Variants in CACNA1D observed in about 807,000 individuals in gnomAD.
CACNA1D encodes the protein voltage-dependent L-type calcium channel subunit alpha-1D.
A neutral mutation model predicts 257.1 loss-of-function variants in CACNA1D; 55 were observed. The ratio of observed to expected loss-of-function variants is 0.21; its 90% CI spans 0.17 to 0.27. The LOEUF (loss-of-function observed/expected upper bound fraction) is 0.27. CACNA1D is among the 10% of genes least tolerant of loss of function. The pLI, the probability that CACNA1D is intolerant of heterozygous loss-of-function variation, is 1.00. For synonymous variants in CACNA1D, 980 were observed against 1,014.9 expected, an observed-to-expected ratio of 0.97 and a Z score of 0.65; for missense variants, 1,876 against 2,784.0, an observed-to-expected ratio of 0.67 and a Z score of 7.34.
intron 26 of CACNA1D, among the ~76,000 whole-genome samples, chr3:53,748,229 T>C (rs1255694415): frequency 2.0e-5 from 3 of 152,134 alleles, no homozygotes; most frequent in Non-Finnish European, 4.4e-5. Flanking sequence ...CTTCTGGAGC[T>C]CCCACCCCCA....
Position 53,800,752 on chromosome 3 carries a change from T to G in CACNA1D, c.5041-306T>G. ...CCCAGCCCAGAGAGCATGCCCAACC[T>G]TGGGGCCACCAGCCAGCCCAGCTGG... is the stretch of plus-strand genomic sequence containing the variant. On this transcript the variant is annotated intron_variant, in intron 41 of 47. Transcript: ENST00000350061. The surrounding 1 kb of genome is among the most constrained non-coding windows in gnomAD (Gnocchi z 4.3). 1 of 515,784 alleles carries G rather than the reference T, an allele frequency of 1.9e-6. No homozygotes were observed. The allele number at this position is 515,784 out of a possible 1,614,324, so 32.0% of individuals were successfully genotyped here.
chr3:53,586,876 AC>A (rs2093226440), intron 3 of CACNA1D, among the ~76,000 whole-genome samples: 1 of 152,194 alleles, frequency 6.6e-6, no homozygotes, highest in African/African-American at 2.4e-5. Context: ...TACATCAAAT[AC>A]AAGGACAAAT....
chr3:53,743,247 C>A, intron 22 of CACNA1D, 130 bp downstream of exon 22: 1 of 674,642 alleles, frequency 1.5e-6, no homozygotes, highest in South Asian at 1.8e-5. Context: ...ATTTAATTTG[C>A]TCCCATTCCA....
At chr3:53,660,409 C>T (rs2094192071) in intron 5 of CACNA1D, 134 bp downstream of exon 5, 1 of 780,140 alleles carries the variant, frequency 1.3e-6, no homozygotes, top group South Asian at 1.4e-5. Flanking sequence ...GCCTCCTTCA[C>T]AGTTGACAGG....
intron 3 of CACNA1D, among the ~76,000 whole-genome samples, chr3:53,590,862 C>T (rs752668282): frequency 5.8e-4 from 88 of 152,326 alleles, no homozygotes; most frequent in Non-Finnish European, 1.1e-3. Context: ...CATCCGGAAA[C>T]ATCTGCTGCT....
At position 53,776,666 on chromosome 3, in the gene CACNA1D, A is replaced by G. The variant is rs2109038769; in HGVS notation, c.4426A>G (p.Ile1476Val). 6.2e-7 allele frequency: 1 copy of G among 1,614,184 alleles called. No individual in the cohort carries two copies. Among genetic ancestry groups the G allele is most frequent in the Non-Finnish European group, 8.5e-7 (1 of 1,180,014 alleles). Residue 1476 changes from isoleucine to valine, a missense_variant, in exon 36 of 48, where the codon ATT becomes GTT. Ile to Val is a conservative substitution (Grantham distance 29). This residue lies in a region of CACNA1D where 83 missense variants were observed against 210.7 expected (regional missense o/e 0.39). Transcript: ENST00000350061. ...CGACTATCTGACCCGGGACTGGTCT[A>G]TTTTGGGGCCTCACCATTTAGATGA... ...NFDYLTRDWS[I>V]LGPHHLDEFK... is the part of the protein sequence containing the mutation.
chr3:53,503,793 C>T (rs1321268422), intron 3 of CACNA1D, among the ~76,000 whole-genome samples: 2 of 149,310 alleles, frequency 1.3e-5, no homozygotes, highest in Non-Finnish European at 3.0e-5. Flanking sequence ...GGGGATTTGG[C>T]AGTGTGTTAA....
intron 3 of CACNA1D, among the ~76,000 whole-genome samples, chr3:53,576,070 G>A (rs775134153): frequency 2.0e-5 from 3 of 152,134 alleles, no homozygotes; most frequent in Admixed American, 6.5e-5. Context: ...GCTACAAGAC[G>A]CTGATGGTGT....
intron 3 of CACNA1D, among the ~76,000 whole-genome samples, chr3:53,564,478 G>A (rs904552686): frequency 4.6e-5 from 7 of 152,140 alleles, no homozygotes; most frequent in African/African-American, 1.4e-4. Context: ...ACTTCTTTAT[G>A]TGCTCTGGAT....
chr3:53,608,287 G>C (rs759918882), intron 3 of CACNA1D, among the ~76,000 whole-genome samples: 1 of 151,594 alleles, frequency 6.6e-6, no homozygotes, highest in African/African-American at 2.4e-5. Flanking sequence ...ATTTTCATTT[G>C]TTTATTGCTA....
chr3:53,569,652 A>G (rs1252426857), intron 3 of CACNA1D, among the ~76,000 whole-genome samples: 1 of 152,230 alleles, frequency 6.6e-6, no homozygotes, highest in African/African-American at 2.4e-5. Flanking sequence ...AATCTATTTG[A>G]TAAAATATGA....
chr3:53,714,557 C>T (rs1474369942), intron 9 of CACNA1D, among the ~76,000 whole-genome samples: 1 of 152,118 alleles, frequency 6.6e-6, no homozygotes, highest in Non-Finnish European at 1.5e-5. Flanking sequence ...GGTTATATGC[C>T]AGATTTTGAG....
chr3:53,650,204 G>C (rs964989414), intron 3 of CACNA1D, among the ~76,000 whole-genome samples: 1 of 152,184 alleles, frequency 6.6e-6, no homozygotes, highest in Non-Finnish European at 1.5e-5. Flanking sequence ...CTTATTGTGT[G>C]GATGCAAAAA....
chr3:53,746,617 A>G (rs890442365), intron 25 of CACNA1D, among the ~76,000 whole-genome samples: 1 of 152,192 alleles, frequency 6.6e-6, no homozygotes, highest in Admixed American at 6.5e-5. Flanking sequence ...GAGAGCACCA[A>G]TTGCAATTTG....
chr3:53,704,346 C>T (rs1489570235), intron 9 of CACNA1D, among the ~76,000 whole-genome samples: 1 of 152,130 alleles, frequency 6.6e-6, no homozygotes, highest in Non-Finnish European at 1.5e-5. Flanking sequence ...GGTCAGGCCT[C>T]TCTTCTCTCC....
intron 33 of CACNA1D, chr3:53,773,914 A>G (rs2095381533): frequency 1.3e-5 from 2 of 152,508 alleles, no homozygotes; most frequent in African/African-American, 4.8e-5. Flanking sequence ...AAGCATCTGC[A>G]GGTTTCTCTA....
intron 8 of CACNA1D, among the ~76,000 whole-genome samples, chr3:53,677,112 T>A (rs961329188): frequency 2.0e-5 from 3 of 152,230 alleles, no homozygotes; most frequent in African/African-American, 7.2e-5. Context: ...TTTAGAATCA[T>A]GCTAGATTCC....
At chr3:53,786,454 G>A (rs2095453359) in intron 39 of CACNA1D, 3 of 291,330 alleles carry the variant, frequency 1.0e-5, no homozygotes, top group African/African-American at 6.5e-5. Context: ...CTATGCACAG[G>A]GGTGAAATGT....
intron 10 of CACNA1D, 132 bp from the exon 11 acceptor site, chr3:53,719,623 C>A: frequency 1.2e-6 from 1 of 842,348 alleles, no homozygotes; most frequent in Non-Finnish European, 2.1e-6. Context: ...CCCCTGCTGG[C>A]CTGCTGTGGT....
Sources: allele counts gnomAD v4.1 joint callset (sites outside exome capture counted in the v4.1 genomes callset), GRCh38; gene constraint gnomAD v4.1.1; regional missense constraint gnomAD v4.1.1; non-coding constraint Gnocchi (gnomAD v3.1); transcripts MANE v1.5; gene names NCBI Gene and HGNC (gene_info 2026-07-23, HGNC 2026-07-21).